The following TCF7L2 variants were observed in gnomAD, a reference collection of about 807,000 sequenced individuals.
TCF7L2 encodes the protein transcription factor 7-like 2.
Under a neutral mutation model 77.9 loss-of-function variants are expected in TCF7L2, and 23 were observed. The observed-to-expected ratio is 0.30, with a 90% CI of 0.21 to 0.42. TCF7L2 has a LOEUF of 0.42. Among genes scored for constraint, TCF7L2 ranks in the 10% least tolerant of loss-of-function variants. The pLI, the probability that TCF7L2 is intolerant of heterozygous loss-of-function variation, is 1.00. For missense variants in TCF7L2, 654 were observed against 793.1 expected (o/e 0.82, Z 2.11); for synonymous variants, 413 against 340.2 (o/e 1.21, Z -2.36).
intron 5 of TCF7L2, among the ~76,000 whole-genome samples, chr10:113,116,558 T>G (rs2063756876): frequency 6.6e-6 from 1 of 152,166 alleles, no homozygotes; most frequent in Non-Finnish European, 1.5e-5. Flanking sequence ...AGATTAAGCC[T>G]GGGGATCCTT....
At chr10:112,991,952 T>C (rs934417943) in intron 4 of TCF7L2, among the ~76,000 whole-genome samples, 4 of 152,288 alleles carry the variant, frequency 2.6e-5, no homozygotes, top group East Asian at 3.9e-4. Flanking sequence ...AGGGTGTACA[T>C]TGCACCAAAA....
At chr10:113,103,089 TTTC>T (rs1484979018) in intron 5 of TCF7L2, among the ~76,000 whole-genome samples, 1 of 152,210 alleles carries the variant, frequency 6.6e-6, no homozygotes. Flanking sequence ...AGACTTTTTT[TTTC>T]TTTTTAATAA....
intron 5 of TCF7L2, among the ~76,000 whole-genome samples, chr10:113,126,476 T>C (rs1417578695): frequency 6.6e-6 from 1 of 152,124 alleles, no homozygotes; most frequent in Non-Finnish European, 1.5e-5. Flanking sequence ...TTATGTTTGC[T>C]AAGTCGGCAA....
intron 5 of TCF7L2, among the ~76,000 whole-genome samples, chr10:113,136,437 T>C (rs2067410158): frequency 6.6e-6 from 1 of 152,192 alleles, no homozygotes; most frequent in Non-Finnish European, 1.5e-5. Flanking sequence ...GTGTTTGCTG[T>C]TTTTGTGGCT....
At chr10:112,952,803 T>G (rs1292338313) in intron 3 of TCF7L2, among the ~76,000 whole-genome samples, 2 of 152,040 alleles carry the variant, frequency 1.3e-5, no homozygotes, top group African/African-American at 4.8e-5. Flanking sequence ...CTGACATTTG[T>G]TAATACGGCT....
intron 4 of TCF7L2, among the ~76,000 whole-genome samples, chr10:112,968,614 T>G (rs1398135527): frequency 1.3e-5 from 2 of 152,202 alleles, no homozygotes; most frequent in Admixed American, 6.5e-5. Flanking sequence ...ATTCTCATTC[T>G]GTCGCCCAGG....
chr10:112,968,253 G>A (rs2037446281), intron 4 of TCF7L2, among the ~76,000 whole-genome samples: 1 of 152,130 alleles, frequency 6.6e-6, no homozygotes, highest in African/African-American at 2.4e-5. Context: ...GATCCACTTA[G>A]ACATGGATTT....
chr10:113,159,960 T>G, intron 12 of TCF7L2: 1 of 1,612,120 alleles, frequency 6.2e-7, no homozygotes, highest in Non-Finnish European at 8.5e-7. Flanking sequence ...GCTTTGGCCT[T>G]GATCAACAGA....
At chr10:113,115,955 T>C (rs1053756635) in intron 5 of TCF7L2, among the ~76,000 whole-genome samples, 1 of 152,178 alleles carries the variant, frequency 6.6e-6, no homozygotes, top group Non-Finnish European at 1.5e-5. Flanking sequence ...AAGATGTGTA[T>C]CGATATAGCT....
At chr10:113,015,191 A>G (rs1294381772) in intron 4 of TCF7L2, among the ~76,000 whole-genome samples, 2 of 152,250 alleles carry the variant, frequency 1.3e-5, no homozygotes, top group Non-Finnish European at 2.9e-5. Flanking sequence ...GTTTCAAGAA[A>G]GCAGAAACTC....
At chr10:112,977,341 A>G (rs765859677) in intron 4 of TCF7L2, among the ~76,000 whole-genome samples, 7 of 152,212 alleles carry the variant, frequency 4.6e-5, no homozygotes, top group Non-Finnish European at 5.9e-5. Context: ...TCTTGTGTCA[A>G]CAGTTTTTAA....
chr10:112,952,164 A>G (rs1319142877), intron 3 of TCF7L2, among the ~76,000 whole-genome samples: 1 of 152,126 alleles, frequency 6.6e-6, no homozygotes, highest in Non-Finnish European at 1.5e-5. Flanking sequence ...GGACTTGAGA[A>G]CTGGCTAGCG....
rs1564907731 is a variant in TCF7L2 at position 113,110,368 on chromosome 10, G to GT, written c.553-30816_553-30815insT. On this transcript the variant is annotated intron_variant, in intron 5 of 13. Coordinates refer to ENST00000627217, the MANE Select transcript of TCF7L2 (RefSeq NM_001146274.2). ...TGAAATGTTTGAGATTGTCTACTGGGGTTTTTTTTTTTTTTTTTTTTTACG... is the reference window on the plus strand; with the variant it reads ...TGAAATGTTTGAGATTGTCTACTGGGTGTTTTTTTTTTTTTTTTTTTTTACG... 4.6e-4 allele frequency among the ~76,000 whole-genome samples: 45 copies of GT among 97,296 alleles called. 1 individual carries two copies. Among genetic ancestry groups the GT allele is most frequent in the African/African-American group, 1.3e-3 (38 of 29,424 alleles). The allele number at this position is 97,296 out of a possible 152,430, so 63.8% of individuals were successfully genotyped here.
At chr10:113,129,754 A>G (rs2066260131) in intron 5 of TCF7L2, 16 of 1,254,034 alleles carry the variant, frequency 1.3e-5, no homozygotes, top group Non-Finnish European at 1.6e-5. Flanking sequence ...GGGAGGAAAA[A>G]GAAAAGTGAG....
intron 5 of TCF7L2, among the ~76,000 whole-genome samples, chr10:113,063,087 A>G (rs937011907): frequency 6.6e-6 from 1 of 152,194 alleles, no homozygotes; most frequent in Admixed American, 6.5e-5. Flanking sequence ...GAGTGCTTGC[A>G]AACAGTACAG....
chr10:113,070,771 T>C (rs1277556434), intron 5 of TCF7L2, among the ~76,000 whole-genome samples: 1 of 152,172 alleles, frequency 6.6e-6, no homozygotes, highest in East Asian at 1.9e-4. Context: ...CTTAAAAAAT[T>C]ATACAGTTAT....
At position 113,040,045 on chromosome 10, in the gene TCF7L2, A is replaced by C. The variant is rs775085820; in HGVS notation, c.471A>C (p.Pro157=). The C allele has an allele frequency of 6.2e-7, 1 of 1,613,828 alleles. No homozygotes were observed. Residue 157 remains proline (P), a synonymous_variant, in exon 5 of 14, where the codon CCA becomes CCC. Coordinates refer to ENST00000627217, the MANE Select transcript of TCF7L2 (RefSeq NM_001146274.2). ...GCCAGTATCTCCAGATGAAATGGCC[A>C]CTGCTTGATGTCCAGGCAGGGAGCC...
chr10:113,003,729 T>C (rs1478848148), intron 4 of TCF7L2, among the ~76,000 whole-genome samples: 1 of 152,178 alleles, frequency 6.6e-6, no homozygotes, highest in African/African-American at 2.4e-5. Context: ...AACTTTTCTT[T>C]TAGGGAACTT....
rs185804682 is a variant in TCF7L2 at position 113,160,068 on chromosome 10, T to C, written c.1319-551T>C. ...GATCCTCTCCCCCTTCTCTGGCCTG[T>C]TGCTTTGTAGCTCTGTGTGTGGATC... On this transcript the variant is annotated intron_variant, in intron 12 of 13. Transcript: ENST00000627217. 4.3e-5 allele frequency: 55 copies of C among 1,291,412 alleles called. No homozygotes were observed. In the African/African-American group the frequency reaches 6.4e-4, roughly 15 times the overall value. 80.0% of individuals were successfully genotyped at this position (1,291,412 alleles called of 1,614,324 possible). A position where few individuals can be genotyped will look rare whatever the true frequency, so the allele number is the denominator to read the frequency against.
Sources: allele counts gnomAD v4.1 joint callset (sites outside exome capture counted in the v4.1 genomes callset), GRCh38; gene constraint gnomAD v4.1.1; transcripts MANE v1.5; gene names NCBI Gene and HGNC (gene_info 2026-07-23, HGNC 2026-07-21).